Variants in AHI1 observed in about 807,000 individuals in gnomAD.
The protein encoded by AHI1 is Abelson helper integration site 1.
A neutral mutation model predicts 149.3 loss-of-function variants in AHI1; 123 were observed. The observed-to-expected ratio is 0.82, with a 90% CI of 0.71 to 0.96. AHI1 has a LOEUF of 0.96. Among genes scored for constraint, AHI1 ranks in the 40% least tolerant of loss-of-function variants. AHI1 has a pLI of 0.00. For synonymous variants in AHI1, 475 were observed against 459.8 expected, an observed-to-expected ratio of 1.03 and a Z score of -0.42; for missense variants, 1,439 against 1,422.7, an observed-to-expected ratio of 1.01 and a Z score of -0.18.
chr6:135,332,473 G>A (rs913306563), intron 24 of AHI1, among the ~76,000 whole-genome samples: 5 of 152,168 alleles, frequency 3.3e-5, no homozygotes, highest in Admixed American at 6.5e-5. Flanking sequence ...TGATGCCCCA[G>A]GTATATTGAA....
chr6:135,292,332 A>G (rs1782465095), intron 27 of AHI1, among the ~76,000 whole-genome samples: 1 of 152,188 alleles, frequency 6.6e-6, no homozygotes. Context: ...TAGGAAGATC[A>G]GACTGTAGTG....
intron 4 of AHI1, 128 bp from the exon 5 acceptor site, chr6:135,490,875 T>A: frequency 1.8e-6 from 2 of 1,129,302 alleles, no homozygotes; most frequent in Non-Finnish European, 2.5e-6. Flanking sequence ...TTAGAAAAAC[T>A]CACCTATCTT....
intron 23 of AHI1, chr6:135,388,007 A>G: frequency 6.2e-7 from 1 of 1,613,670 alleles, no homozygotes; most frequent in Non-Finnish European, 8.5e-7. Context: ...CATAATATAC[A>G]TGTGTTGAAT....
chr6:135,350,803 G>T (rs551290753), intron 24 of AHI1, among the ~76,000 whole-genome samples: 6 of 152,264 alleles, frequency 3.9e-5, no homozygotes, highest in Admixed American at 2.6e-4. Context: ...AAGAAACTCA[G>T]AACAGAGAGT....
chr6:135,453,290 A>C (rs986685502), intron 11 of AHI1, 51 bp downstream of exon 11: 2 of 1,389,508 alleles, frequency 1.4e-6, no homozygotes, highest in Admixed American at 2.0e-5. Context: ...AAAGCAGCCA[A>C]CTAAATTTGA....
chr6:135,446,876 G>A, intron 13 of AHI1, 132 bp downstream of exon 13: 8 of 948,768 alleles, frequency 8.4e-6, no homozygotes, highest in Admixed American at 2.6e-5. Context: ...TAATGGAAAG[G>A]CAAAATTGTG....
intron 10 of AHI1, among the ~76,000 whole-genome samples, chr6:135,455,242 T>C (rs1788739525): frequency 6.6e-6 from 1 of 152,170 alleles, no homozygotes; most frequent in Non-Finnish European, 1.5e-5. Context: ...TCCATAAAGC[T>C]TTCCCTGACT....
intron 23 of AHI1, among the ~76,000 whole-genome samples, chr6:135,393,020 G>C (rs1274187188): frequency 6.6e-6 from 1 of 152,124 alleles, no homozygotes; most frequent in Non-Finnish European, 1.5e-5. Context: ...AATGAGGTTA[G>C]ACATATTAGT....
rs1790762026 is a variant in AHI1 at position 135,466,357 on chromosome 6, C to A, written c.206G>T (p.Ser69Ile). The change falls in exon 7 of 29, where the codon AGC (serine) becomes ATC (isoleucine). Residue 69 changes from serine to isoleucine, a missense_variant. By Grantham distance (142) the Ser-to-Ile change is moderately radical (BLOSUM62 -2). Coordinates refer to ENST00000265602, the MANE Select transcript of AHI1 (RefSeq NM_001134831.2). ...AGTTTCTTTAATATGGGGAAGATTG[C>A]TTCTAATAGTGTCGGGCTAGGAAAA... ...TTSDDPDTIR[S>I]NLPHIKETTS... is the part of the protein sequence containing the mutation. 1 of 1,613,352 alleles carries A rather than the reference C, an allele frequency of 6.2e-7. No individual in the cohort carries two copies. Among genetic ancestry groups the A allele is most frequent in the Non-Finnish European group, 8.5e-7 (1 of 1,179,616 alleles).
chr6:135,482,894 C>CTTTTTGTTTTTTTTTTTTTTTT (rs1793904222), intron 5 of AHI1, among the ~76,000 whole-genome samples: 1 of 55,734 alleles, frequency 1.8e-5, no homozygotes, highest in Non-Finnish European at 2.8e-5. Flanking sequence ...CCATTTAAGG[C>CTTTTTGTTTTTTTTTTTTTTTT]TTTTTTTTTT....
intron 18 of AHI1, 54 bp from the exon 19 acceptor site, chr6:135,428,813 G>A (rs1784263118): frequency 6.8e-7 from 1 of 1,464,474 alleles, no homozygotes; most frequent in South Asian, 1.4e-5. Flanking sequence ...GTAAATGACT[G>A]GTGGTATAAA....
rs553366477 is a variant in AHI1, at chr6:135,447,145, G to T, written c.1642C>A (p.Arg548Ser). Reference protein sequence around the residue: ...KVPDCIKPSYRSMMALQEEKG... With the variant: ...KVPDCIKPSYSSMMALQEEKG... The stretch of plus-strand genomic sequence containing the variant: ...TCCTCCTGAAGAGCCATCATAGAGC[G>T]GTAAGATGGCTTTATCTAAATATGC... The change falls in exon 13 of 29, where the codon CGC becomes AGC. Residue 548 changes from arginine (R) to serine (S), a missense_variant. Arg to Ser is a moderately radical substitution (Grantham distance 110). Transcript: ENST00000265602. 2 of 1,565,596 alleles carry T rather than the reference G, an allele frequency of 1.3e-6. No individual in the cohort carries two copies. Among genetic ancestry groups the T allele is most frequent in the Non-Finnish European group, 1.7e-6 (2 of 1,157,790 alleles).
intron 27 of AHI1, among the ~76,000 whole-genome samples, chr6:135,290,913 A>AACACAC (rs574033007): frequency 0.078 from 11,415 of 146,206 alleles, 908 homozygotes; most frequent in African/African-American, 0.21. Flanking sequence ...AACACACACA[A>AACACAC]ACACACACAC....
Position 135,337,242 on chromosome 6 carries a change from T to C in AHI1, c.3166-13918A>G, listed in dbSNP as rs540611534. ...AAGATCAACAAAGTACTTTTCTTCA[T>C]ACTAATTTCTCACTCACAATTTGTT... On this transcript the variant is annotated intron_variant, in intron 24 of 28. Coordinates refer to ENST00000265602, the MANE Select transcript of AHI1 (RefSeq NM_001134831.2). Among the ~76,000 whole-genome samples the C allele has an allele frequency of 3.9e-5, 6 of 152,296 alleles. No individual in the cohort carries two copies. In the South Asian group the frequency reaches 8.3e-4, roughly 21 times the overall value.
intron 23 of AHI1, among the ~76,000 whole-genome samples, chr6:135,388,365 C>A (rs1777924188): frequency 6.6e-6 from 1 of 152,148 alleles, no homozygotes; most frequent in Non-Finnish European, 1.5e-5. Context: ...AATGGAAACC[C>A]CCTTATACCA....
chr6:135,486,900 T>C (rs1794555753), intron 5 of AHI1, among the ~76,000 whole-genome samples: 1 of 152,128 alleles, frequency 6.6e-6, no homozygotes, highest in Non-Finnish European at 1.5e-5. Flanking sequence ...CCCAAGTAGC[T>C]AGGACTACAG....
intron 5 of AHI1, among the ~76,000 whole-genome samples, chr6:135,468,884 A>G (rs1583392539): frequency 6.6e-6 from 1 of 152,322 alleles, no homozygotes; most frequent in African/African-American, 2.4e-5. Flanking sequence ...AAGCAAAAAA[A>G]GCCCAGGACC....
chr6:135,496,923 G>A (rs936857113), intron 2 of AHI1, among the ~76,000 whole-genome samples: 6 of 152,152 alleles, frequency 3.9e-5, no homozygotes, highest in African/African-American at 1.4e-4. Flanking sequence ...ATTTCCCAGA[G>A]TACTCATAAG....
intron 3 of AHI1, among the ~76,000 whole-genome samples, chr6:135,494,649 C>T (rs1021673046): frequency 5.3e-5 from 8 of 152,078 alleles, no homozygotes; most frequent in Admixed American, 2.6e-4. Flanking sequence ...TGTGTGTTTA[C>T]GTATATAATC....
Sources: gnomAD v4.1 joint callset for allele counts (sites outside exome capture counted in the v4.1 genomes callset) on GRCh38, gnomAD v4.1.1 for gene constraint, MANE v1.5 for transcripts, NCBI Gene and HGNC (gene_info 2026-07-23, HGNC 2026-07-21) for gene names.